The following CIZ1 variants were observed in gnomAD, a reference collection of about 807,000 sequenced individuals.
CIZ1 encodes the protein CDKN1A interacting zinc finger protein 1.
Under a neutral mutation model 118.6 loss-of-function variants are expected in CIZ1, and 58 were observed. That is an observed-to-expected ratio of 0.49 (90% CI 0.40 to 0.61). The LOEUF (loss-of-function observed/expected upper bound fraction) is 0.61, where lower values mean the gene tolerates loss of function less well. Among genes scored for constraint, CIZ1 ranks in the 20% least tolerant of loss-of-function variants. CIZ1 has a pLI of 0.00. For missense variants in CIZ1, 921 were observed against 1,115.9 expected (o/e 0.83, Z 2.49); for synonymous variants, 448 against 443.4 (o/e 1.01, Z -0.13).
At chr9:128,188,963 T>C (rs1443876630) in intron 3 of CIZ1, among the ~76,000 whole-genome samples, 2 of 152,144 alleles carry the variant, frequency 1.3e-5, no homozygotes, top group South Asian at 2.1e-4. Context: ...CACACCTAGC[T>C]AATTTTTGTA....
chr9:128,169,056 T>G lies in CIZ1; in HGVS notation c.2291A>C (p.Lys764Thr). Residue 764 changes from lysine to threonine, a missense_variant, in exon 14 of 17, where the codon AAG becomes ACG. Lys to Thr is a moderately conservative substitution (Grantham distance 78). Transcript: ENST00000372938. ...EEIEVEEELC[K>T]QVRSRDISRE... ...CCCACACCCTCCCCCCAGCACCTGCTTGCAGAGTTCCTCCTCAACCTCGAT... is the reference window on the plus strand; with the variant it reads ...CCCACACCCTCCCCCCAGCACCTGCGTGCAGAGTTCCTCCTCAACCTCGAT... 6.2e-7 allele frequency: 1 copy of G among 1,614,148 alleles called. No individual in the cohort carries two copies. The highest frequency in any genetic ancestry group is 8.5e-7 in the Non-Finnish European group (1 of 1,180,006).
intron 12 of CIZ1, 190 bp from the exon 13 acceptor site, chr9:128,169,709 T>C (rs751585934): frequency 1.3e-6 from 2 of 1,535,530 alleles, no homozygotes; most frequent in South Asian, 2.4e-5. Context: ...GGCTGAGAGA[T>C]AGGATGGCAG....
At chr9:128,198,517 A>G (rs1833431611) in intron 1 of CIZ1, 1 of 152,186 alleles carries the variant, frequency 6.6e-6, no homozygotes, top group African/African-American at 2.4e-5. Context: ...GTGTATGTAT[A>G]CAACACAAAT....
Position 128,176,402 on chromosome 9 carries a change from C to A in CIZ1, c.1892G>T (p.Cys631Phe). 6.2e-7 allele frequency: 1 copy of A among 1,614,112 alleles called. No homozygotes were observed. Among genetic ancestry groups the A allele is most frequent in the African/African-American group, 1.3e-5 (1 of 75,062 alleles). Reference protein sequence around the residue: ...LGEIQHMSQACLLSLLPVPRD... With the variant: ...LGEIQHMSQAFLLSLLPVPRD... ...GGGCACGGGCAGCAGGGACAGGAGG[C>A]AGGCTTGGCTCATGTGCTGGATCTC... The change falls in exon 11 of 17, where the codon TGC becomes TTC. Residue 631 changes from cysteine (C) to phenylalanine (F), a missense_variant. Physicochemically the swap from Cys to Phe is radical, Grantham distance 205. Transcript: ENST00000372938.
At chr9:128,169,723 G>A (rs1212293882) in intron 12 of CIZ1, 1 of 1,532,676 alleles carries the variant, frequency 6.5e-7, no homozygotes, top group Non-Finnish European at 8.7e-7. Context: ...ATGGCAGATG[G>A]CAACACAGAG....
upstream of CIZ1, chr9:128,191,895 C>G: frequency 6.9e-7 from 1 of 1,445,740 alleles, no homozygotes; most frequent in South Asian, 1.3e-5. The surrounding 1 kb of genome is among the most constrained non-coding windows in gnomAD (Gnocchi z 5.5). Flanking sequence ...TGGGGCCCCG[C>G]GCGGGGCTGC....
At chr9:128,175,980 G>A (rs997032488) in intron 11 of CIZ1, among the ~76,000 whole-genome samples, 1 of 152,288 alleles carries the variant, frequency 6.6e-6, no homozygotes, top group East Asian at 1.9e-4. Context: ...GGGAGACACA[G>A]GGAAACCCTA....
chr9:128,174,770 TG>T (rs139575776), intron 11 of CIZ1, among the ~76,000 whole-genome samples: 10,488 of 152,176 alleles, frequency 0.069, 752 homozygotes, highest in East Asian at 0.43. Context: ...GCAATTCTCC[TG>T]CCTCAGCCTC....
At position 128,191,435 on chromosome 9, in the gene CIZ1, G is replaced by A; in HGVS notation, c.-9C>T. On this transcript the variant is annotated 5_prime_UTR_variant, in exon 1 of 17. Coordinates refer to ENST00000372938, the MANE Select transcript of CIZ1 (RefSeq NM_001131016.2). The surrounding 1 kb of genome is among the most constrained non-coding windows in gnomAD (Gnocchi z 5.5). ...CCAGCCGCCCCCGGCCCCGCACCTCGCCTCCCCGCGCGCCCTCAACGCTCA... is the reference window on the plus strand; with the variant it reads ...CCAGCCGCCCCCGGCCCCGCACCTCACCTCCCCGCGCGCCCTCAACGCTCA... 1.0e-6 allele frequency: 1 copy of A among 957,716 alleles called. No individual in the cohort carries two copies. Among genetic ancestry groups the A allele is most frequent in the Non-Finnish European group, 1.2e-6 (1 of 802,914 alleles). The allele number at this position is 957,716 out of a possible 1,614,324, so 59.3% of individuals were successfully genotyped here.
chr9:128,175,903 C>T (rs1830782541), intron 11 of CIZ1, among the ~76,000 whole-genome samples: 1 of 152,150 alleles, frequency 6.6e-6, no homozygotes, highest in Non-Finnish European at 1.5e-5. Context: ...CTTCCCACCC[C>T]AGTATAGTTC....
At chr9:128,191,964 G>A (rs553121251), upstream of CIZ1, 11 of 1,371,256 alleles carry the variant, frequency 8.0e-6, no homozygotes, top group South Asian at 6.2e-5. The surrounding 1 kb of genome is among the most constrained non-coding windows in gnomAD (Gnocchi z 5.5). Flanking sequence ...CAGGCCAGGC[G>A]AGAGGGCGGC....
At chr9:128,169,018 A>T (rs539260912) in intron 14 of CIZ1, 34 bp downstream of exon 14, 1 of 1,612,730 alleles carries the variant, frequency 6.2e-7, no homozygotes, top group Admixed American at 1.7e-5. Context: ...GGAATCCAGC[A>T]CCAAGCCCGC....
At position 128,203,747 on chromosome 9, in the gene CIZ1, G is replaced by T; in HGVS notation, c.-6+439C>A. On this transcript the variant is annotated intron_variant, in intron 1 of 17. Coordinates refer to the CIZ1 transcript ENST00000372948. This position sits in a 1 kb window ranked among gnomAD's most constrained non-coding sequence, Gnocchi z 5.3. ...GCCCCCGACGCTGCACCCGCGGCCG[G>T]CGCGCCCCCCACCCCCAGCCGGAGC... 9.9e-7 allele frequency: 1 copy of T among 1,007,496 alleles called. No individual in the cohort carries two copies. Among genetic ancestry groups the T allele is most frequent in the Non-Finnish European group, 1.3e-6 (1 of 784,612 alleles). 62.4% of individuals were successfully genotyped at this position (1,007,496 alleles called of 1,614,324 possible). A position where few individuals can be genotyped will look rare whatever the true frequency, so the allele number is the denominator to read the frequency against.
In CIZ1 at chr9:128,178,746, C is replaced by G; in HGVS notation, c.1461G>C (p.Gly487=). Residue 487 remains glycine (G), a synonymous_variant, in exon 8 of 17, where the codon GGG becomes GGC. Coordinates refer to ENST00000372938, the MANE Select transcript of CIZ1 (RefSeq NM_001131016.2). Reference sequence around the variant, plus strand: ...CTACTGCATCAGGTGGCATCTCCAGCCCGCAGACATGAACCACAACTGGTG... The same window carrying G: ...CTACTGCATCAGGTGGCATCTCCAGGCCGCAGACATGAACCACAACTGGTG... ...EQTPVVVHVC[G]LEMPPDAVEA... 1 of 1,614,120 alleles carries G rather than the reference C, an allele frequency of 6.2e-7. No individual in the cohort carries two copies. The highest frequency in any genetic ancestry group is 8.5e-7 in the Non-Finnish European group (1 of 1,179,998).
chr9:128,191,151 A>T lies in CIZ1; in HGVS notation c.-6+281T>A, dbSNP rs1318528564. ...CCATCTCTCCATTTCTGGCGGCTCC[A>T]TCCTCCCACCCTCAGCCTCAGCCTC... is the stretch of plus-strand genomic sequence containing the variant. On this transcript the variant is annotated intron_variant, in intron 1 of 16. Transcript: ENST00000372938. The surrounding 1 kb of genome is among the most constrained non-coding windows in gnomAD (Gnocchi z 5.5). 2.0e-6 allele frequency: 1 copy of T among 507,282 alleles called. No individual in the cohort carries two copies. Among genetic ancestry groups the T allele is most frequent in the African/African-American group, 2.0e-5 (1 of 50,758 alleles). 31.4% of individuals were successfully genotyped at this position (507,282 alleles called of 1,614,324 possible).
chr9:128,188,091 T>TAAAAAAAAAAAA (rs1564294678), intron 3 of CIZ1, among the ~76,000 whole-genome samples, 157 bp from the exon 4 acceptor site: 2 of 26,888 alleles, frequency 7.4e-5, no homozygotes, highest in South Asian at 1.0e-3. Flanking sequence ...AACAAAAAAT[T>TAAAAAAAAAAAA]AAAAAAAGCA....
intron 12 of CIZ1, 35 bp from the exon 13 acceptor site, chr9:128,169,554 A>G (rs1223039390): frequency 6.2e-7 from 1 of 1,609,754 alleles, no homozygotes; most frequent in Non-Finnish European, 8.5e-7. Flanking sequence ...CAGTGTCCCC[A>G]GCTGCAAGCC....
At chr9:128,179,515 G>A in intron 7 of CIZ1, 100 bp from the exon 8 acceptor site, 1 of 1,078,358 alleles carries the variant, frequency 9.3e-7, no homozygotes, top group South Asian at 1.6e-5. Context: ...GCTCGCATCT[G>A]TAAACCCAGC....
At position 128,179,076 on chromosome 9, in the gene CIZ1, T is replaced by G; in HGVS notation, c.1131A>C (p.Pro377=). Reference sequence around the variant, plus strand: ...GTGAATGTGCCTGTGGCTGTACCTGTGGCTGCACCTGCTTCTGTGGCTCTG... The same window carrying G: ...GTGAATGTGCCTGTGGCTGTACCTGGGGCTGCACCTGCTTCTGTGGCTCTG... The part of the protein sequence containing the change: ...QEAEPQKQVQ[P]QVQPQAHSQG... The change falls in exon 8 of 17, where the codon CCA becomes CCC. Residue 377 remains proline, a synonymous_variant. Coordinates refer to ENST00000372938, the MANE Select transcript of CIZ1 (RefSeq NM_001131016.2). 3.7e-6 allele frequency: 6 copies of G among 1,613,804 alleles called. No individual in the cohort carries two copies. The highest frequency in any genetic ancestry group is 5.1e-6 in the Non-Finnish European group (6 of 1,179,790).
Sources: allele counts gnomAD v4.1 joint callset (sites outside exome capture counted in the v4.1 genomes callset), GRCh38; gene constraint gnomAD v4.1.1; non-coding constraint Gnocchi (gnomAD v3.1); transcripts MANE v1.5; gene names NCBI Gene and HGNC (gene_info 2026-07-23, HGNC 2026-07-21).